The following EIF4E1B variants were observed in gnomAD, a reference collection of about 807,000 sequenced individuals.
EIF4E1B encodes the protein eukaryotic translation initiation factor 4E family member 1B.
Under a neutral mutation model 31.3 loss-of-function variants are expected in EIF4E1B, and 22 were observed. The ratio of observed to expected loss-of-function variants is 0.70; its 90% confidence interval spans 0.50 to 1.00. The LOEUF (loss-of-function observed/expected upper bound fraction) is 1.00, where lower values mean the gene tolerates loss of function less well. Ranked by LOEUF, EIF4E1B falls within the 50% of genes least tolerant of loss-of-function variation. EIF4E1B has a pLI of 0.00. For missense variants in EIF4E1B, 290 were observed against 311.6 expected, an observed-to-expected ratio of 0.93 and a Z score of 0.52; for synonymous variants, 126 against 120.2, an observed-to-expected ratio of 1.05 and a Z score of -0.31.
chr5:176,638,837 C>T lies in EIF4E1B; in HGVS notation c.-201-3206C>T, dbSNP rs554154316. ...TTGCCCAGGCTGGAGTGCAATGGTG[C>T]GATCTCGGCTCACTGCAACCTCTAC... On this transcript the variant is annotated intron_variant, in intron 1 of 8. Coordinates refer to ENST00000318682, the MANE Select transcript of EIF4E1B (RefSeq NM_001099408.2). This position sits in a 1 kb window ranked among gnomAD's most constrained non-coding sequence, Gnocchi z 4.3. Among the ~76,000 whole-genome samples, 12 of 152,210 alleles carry T rather than the reference C, an allele frequency of 7.9e-5. No homozygotes were observed. The East Asian group carries it at 1.7e-3, about 22-fold the overall frequency.
rs1428374253 is a variant in EIF4E1B at position 176,644,381 on chromosome 5, A to G, written c.302A>G (p.Tyr101Cys). Residue 101 changes from tyrosine to cysteine, a missense_variant, in exon 6 of 9, where the codon TAC becomes TGC. Tyr to Cys is a radical substitution (Grantham distance 194). Coordinates refer to ENST00000318682, the MANE Select transcript of EIF4E1B (RefSeq NM_001099408.2). ...GGGTCGGGGGCTCTGTCCAGGCTAT[A>G]CAGTCACATCCAGCTGGCCAGCAAG... ...VDTVEDFWAL[Y>C]SHIQLASKLS... 7.5e-6 allele frequency: 12 copies of G among 1,590,104 alleles called. No individual in the cohort carries two copies. The highest frequency in any genetic ancestry group is 1.0e-5 in the Non-Finnish European group (12 of 1,168,068).
intron 1 of EIF4E1B, chr5:176,641,731 G>A (rs1045466993): frequency 6.6e-6 from 1 of 152,554 alleles, no homozygotes; most frequent in Non-Finnish European, 1.5e-5. Context: ...CCAAGTGTGG[G>A]GGAGGAGCAG....
intron 1 of EIF4E1B, among the ~76,000 whole-genome samples, chr5:176,635,511 A>G (rs1351947560): frequency 6.6e-6 from 1 of 152,208 alleles, no homozygotes; most frequent in Non-Finnish European, 1.5e-5. Flanking sequence ...GGTAACAGAA[A>G]ATAGGTTAAA....
In EIF4E1B at chr5:176,643,708, G is replaced by T. The variant is rs561940055; in HGVS notation, c.270G>T (p.Lys90Asn). The T allele has an allele frequency of 6.2e-7, 1 of 1,613,180 alleles. No individual in the cohort carries two copies. The highest frequency in any genetic ancestry group is 2.2e-5 in the East Asian group (1 of 44,858). Residue 90 changes from lysine (K) to asparagine (N), a missense_variant, in exon 5 of 9, where the codon AAG (lysine) becomes AAT (asparagine). Transcript: ENST00000318682. ...AWQDNLHLVTKVDTVEDFWAL... is the reference protein window; with the variant it reads ...AWQDNLHLVTNVDTVEDFWAL... ...AGGACAACCTGCACCTGGTCACCAAGGTGGACACTGTGGAGGACTTCTGGG... is the reference window on the plus strand; with the variant it reads ...AGGACAACCTGCACCTGGTCACCAATGTGGACACTGTGGAGGACTTCTGGG...
intron 3 of EIF4E1B, 51 bp downstream of exon 3, chr5:176,642,853 C>CCCA (rs1554151017): frequency 8.5e-7 from 1 of 1,182,566 alleles, no homozygotes; most frequent in East Asian, 4.6e-5. Context: ...CCGCCCTCTC[C>CCCA]CCCCCCCCCC....
In EIF4E1B at chr5:176,643,693, G is replaced by A. The variant is rs370342054; in HGVS notation, c.255G>A (p.Leu85=). The change falls in exon 5 of 9, where the codon CTG becomes CTA. Residue 85 remains leucine (L), a synonymous_variant. Transcript: ENST00000318682. ...GCAGCCGGGCCTGGCAGGACAACCT[G>A]CACCTGGTCACCAAGGTGGACACTG... ...NDRSRAWQDN[L]HLVTKVDTVE... The A allele has an allele frequency of 1.1e-4, 172 of 1,613,174 alleles. No individual in the cohort carries two copies. The highest frequency in any genetic ancestry group is 1.4e-4 in the Non-Finnish European group (162 of 1,179,608).
intron 1 of EIF4E1B, among the ~76,000 whole-genome samples, chr5:176,639,995 A>G (rs1760549019): frequency 6.6e-6 from 1 of 151,940 alleles, no homozygotes; most frequent in East Asian, 1.9e-4. Flanking sequence ...CCTCTGTCCA[A>G]ATTTCTTCAA....
rs749033271 is a variant in EIF4E1B, at chr5:176,645,359, C to T, written c.475-18C>T. Reference sequence around the variant, plus strand: ...ATGTCCCAGCCGGTGATCTCACAACCCCCTACTTCGGGTCCAGCTGCTGTG... The same window carrying T: ...ATGTCCCAGCCGGTGATCTCACAACTCCCTACTTCGGGTCCAGCTGCTGTG... On this transcript the variant is annotated intron_variant, in intron 7 of 8. Coordinates refer to ENST00000318682, the MANE Select transcript of EIF4E1B (RefSeq NM_001099408.2). This position sits in a 1 kb window ranked among gnomAD's most constrained non-coding sequence, Gnocchi z 5.4. 1 of 1,538,614 alleles carries T rather than the reference C, an allele frequency of 6.5e-7. No homozygotes were observed. The highest frequency in any genetic ancestry group is 8.8e-7 in the Non-Finnish European group (1 of 1,139,520).
chr5:176,637,611 G>T (rs1349298904), intron 1 of EIF4E1B, among the ~76,000 whole-genome samples: 1 of 152,192 alleles, frequency 6.6e-6, no homozygotes, highest in Non-Finnish European at 1.5e-5. Flanking sequence ...GATGGGCAGG[G>T]ATCGCCTACC....
intron 1 of EIF4E1B, among the ~76,000 whole-genome samples, chr5:176,637,713 A>G (rs1446019566): frequency 6.6e-6 from 1 of 152,142 alleles, no homozygotes; most frequent in Non-Finnish European, 1.5e-5. Context: ...ACTGAAGGCC[A>G]CTGTGGCTGC....
intron 1 of EIF4E1B, among the ~76,000 whole-genome samples, chr5:176,633,344 T>C (rs10866702): frequency 0.97 from 148,446 of 152,274 alleles, 72,478 homozygotes; most frequent in Middle Eastern, 1. Context: ...AGTGATTCTC[T>C]CATCTCAGCC....
At chr5:176,634,153 T>TG (rs1426135510) in intron 1 of EIF4E1B, among the ~76,000 whole-genome samples, 5 of 142,864 alleles carry the variant, frequency 3.5e-5, no homozygotes, top group African/African-American at 1.3e-4. Context: ...AGCAGCTTGG[T>TG]GGGGGGATGA....
At position 176,645,468 on chromosome 5, in the gene EIF4E1B, C is replaced by T; in HGVS notation, c.566C>T (p.Ala189Val). The T allele has an allele frequency of 1.3e-6, 2 of 1,518,992 alleles. No homozygotes were observed. Among genetic ancestry groups the T allele is most frequent in the Non-Finnish European group, 1.8e-6 (2 of 1,135,494 alleles). 94.1% of individuals were successfully genotyped at this position (1,518,992 alleles called of 1,614,324 possible). The change falls in exon 8 of 9, where the codon GCT becomes GTT. Residue 189 changes from alanine to valine, a missense_variant. Physicochemically the swap from Ala to Val is moderately conservative, Grantham distance 64. Transcript: ENST00000318682. This position sits in a 1 kb window ranked among gnomAD's most constrained non-coding sequence, Gnocchi z 5.4. ...VNIRTKGDKI[A>V]VWTREAENQA... ...ATCCGCACCAAGGGGGACAAGATCG[C>T]TGTGTGGACGAGGGAGGCGGAAAAC...
rs199787356 is a variant in EIF4E1B at position 176,643,667 on chromosome 5, C to A, written c.229C>A (p.Arg77Ser). The part of the protein sequence containing the change: ...RWALWFFKND[R>S]SRAWQDNLHL... ...GGCTCTGTGGTTCTTCAAGAATGAC[C>A]GCAGCCGGGCCTGGCAGGACAACCT... Residue 77 changes from arginine (R) to serine (S), a missense_variant, in exon 5 of 9, where the codon CGC becomes AGC. By Grantham distance (110) the Arg-to-Ser change is moderately radical. Transcript: ENST00000318682. The A allele has an allele frequency of 1.6e-5, 26 of 1,611,632 alleles. No individual in the cohort carries two copies. The South Asian group carries it at 2.7e-4, about 16-fold the overall frequency.
chr5:176,644,096 C>T (rs939485209), intron 5 of EIF4E1B: 3 of 573,156 alleles, frequency 5.2e-6, no homozygotes, highest in African/African-American at 3.7e-5. Context: ...TACACAAGCC[C>T]TAGGGAGGGT....
At position 176,645,650 on chromosome 5, in the gene EIF4E1B, A is replaced by G. The variant is rs1369302940; in HGVS notation, c.614+134A>G. On this transcript the variant is annotated intron_variant, in intron 8 of 8. Coordinates refer to ENST00000318682, the MANE Select transcript of EIF4E1B (RefSeq NM_001099408.2). This position sits in a 1 kb window ranked among gnomAD's most constrained non-coding sequence, Gnocchi z 5.4. ...CCTCCCTTCTGCCTTGCCCACCTGT[A>G]TGGAAGGTCTGGCGTTCAGATTTCT... The G allele has an allele frequency of 3.0e-5, 39 of 1,312,436 alleles. 1 individual carries two copies. The South Asian group carries it at 4.0e-4, about 14-fold the overall frequency. 81.3% of individuals were successfully genotyped at this position (1,312,436 alleles called of 1,614,324 possible).
Position 176,636,538 on chromosome 5 carries a change from C to T in EIF4E1B, c.-202+5474C>T, listed in dbSNP as rs150142813. On this transcript the variant is annotated intron_variant, in intron 1 of 8. Coordinates refer to ENST00000318682, the MANE Select transcript of EIF4E1B (RefSeq NM_001099408.2). ...AAGTGGATCCTGGGGATTCCAGCCC[C>T]GCCTGGGTTCTGCAAAAATCCAGAT... Among the ~76,000 whole-genome samples, 1,253 of 152,318 alleles carry T rather than the reference C, an allele frequency of 8.2e-3. 14 individuals carry two copies. The highest frequency in any genetic ancestry group is 0.024 in the African/African-American group (1,018 of 41,558).
In EIF4E1B at chr5:176,646,116, T is replaced by C. The variant is rs1291330517; in HGVS notation, c.*136T>C. Reference sequence around the variant, plus strand: ...AAGTGAACAGGAATGCAAACACTCTTTAACATGAGTTGGGGCCTGAGCCTT... The same window carrying C: ...AAGTGAACAGGAATGCAAACACTCTCTAACATGAGTTGGGGCCTGAGCCTT... On this transcript the variant is annotated 3_prime_UTR_variant, in exon 9 of 9. Transcript: ENST00000318682. 1 of 737,418 alleles carries C rather than the reference T, an allele frequency of 1.4e-6. No homozygotes were observed. The highest frequency in any genetic ancestry group is 2.7e-5 in the East Asian group (1 of 36,746). The allele number at this position is 737,418 out of a possible 1,614,324, so 45.7% of individuals were successfully genotyped here. A position where few individuals can be genotyped will look rare whatever the true frequency, so the allele number is the denominator to read the frequency against.
Position 176,645,324 on chromosome 5 carries a change from G to C in EIF4E1B, c.475-53G>C. On this transcript the variant is annotated intron_variant, in intron 7 of 8. Coordinates refer to ENST00000318682, the MANE Select transcript of EIF4E1B (RefSeq NM_001099408.2). This position sits in a 1 kb window ranked among gnomAD's most constrained non-coding sequence, Gnocchi z 5.4. ...GTGGCAGTGGTCTCAAGGATGGCAG[G>C]CCAGTCCCTATGTCCCAGCCGGTGA... 1 of 1,563,042 alleles carries C rather than the reference G, an allele frequency of 6.4e-7. No individual in the cohort carries two copies. Among genetic ancestry groups the C allele is most frequent in the Non-Finnish European group, 8.7e-7 (1 of 1,150,350 alleles).
Sources: allele counts gnomAD v4.1 joint callset (sites outside exome capture counted in the v4.1 genomes callset), GRCh38; gene constraint gnomAD v4.1.1; non-coding constraint Gnocchi (gnomAD v3.1); transcripts MANE v1.5; gene names NCBI Gene and HGNC (gene_info 2026-07-23, HGNC 2026-07-21).